The following GPC5 variants were observed in gnomAD, a reference collection of about 807,000 sequenced individuals.
GPC5 encodes glypican 5.
A neutral mutation model predicts 53.9 loss-of-function variants in GPC5; 47 were observed. The ratio of observed to expected loss-of-function variants is 0.87; its 90% confidence interval spans 0.69 to 1.11. The LOEUF is 1.11. Ranked by LOEUF, GPC5 falls within the 50% of genes most tolerant of loss-of-function variation. GPC5 has a pLI of 0.00. For synonymous variants in GPC5, 286 were observed against 263.3 expected, an observed-to-expected ratio of 1.09 and a Z score of -0.84; for missense variants, 748 against 713.1, an observed-to-expected ratio of 1.05 and a Z score of -0.56.
intron 7 of GPC5, among the ~76,000 whole-genome samples, chr13:92,523,844 GT>G (rs5805753): frequency 0.57 from 86,051 of 151,752 alleles, 25,123 homozygotes; most frequent in East Asian, 0.75. Flanking sequence ...GCATATAAAA[GT>G]AATGTTTAGA....
At chr13:92,524,045 G>C (rs938687866) in intron 7 of GPC5, among the ~76,000 whole-genome samples, 1 of 152,104 alleles carries the variant, frequency 6.6e-6, no homozygotes, top group South Asian at 2.1e-4. Flanking sequence ...AGTGGTGGTT[G>C]ATGCTAATTG....
rs2035829388 is a variant in GPC5, at chr13:91,694,157, A to G, written c.1020+276A>G. On this transcript the variant is annotated intron_variant, in intron 3 of 7. Transcript: ENST00000377067. Reference sequence around the variant, plus strand: ...ATCTTTAGCCTGCCGGTAATTAGCTAAATGAAATTAGGTAAGTCCCTTTGG... The same window carrying G: ...ATCTTTAGCCTGCCGGTAATTAGCTGAATGAAATTAGGTAAGTCCCTTTGG... Among the ~76,000 whole-genome samples, 3 of 152,180 alleles carry G rather than the reference A, an allele frequency of 2.0e-5. 1 individual carries two copies. Among genetic ancestry groups the G allele is most frequent in the African/African-American group, 7.2e-5 (3 of 41,450 alleles).
At chr13:92,296,059 T>C (rs997708443) in intron 7 of GPC5, among the ~76,000 whole-genome samples, 9 of 152,290 alleles carry the variant, frequency 5.9e-5, no homozygotes, top group Admixed American at 5.9e-4. Flanking sequence ...TTATATGTCC[T>C]GTGAGATTCA....
intron 3 of GPC5, among the ~76,000 whole-genome samples, chr13:91,719,407 T>C (rs2036416911): frequency 6.6e-6 from 1 of 152,232 alleles, no homozygotes; most frequent in South Asian, 2.1e-4. Flanking sequence ...CTGAAGACTT[T>C]TGCATTATCC....
At chr13:92,734,984 T>C (rs1215727704) in intron 7 of GPC5, among the ~76,000 whole-genome samples, 1 of 151,978 alleles carries the variant, frequency 6.6e-6, no homozygotes, top group Admixed American at 6.6e-5. Flanking sequence ...CATATTTGAA[T>C]ATACAAAGGG....
intron 6 of GPC5, among the ~76,000 whole-genome samples, chr13:91,951,562 AC>A (rs2040026176): frequency 6.6e-6 from 1 of 152,184 alleles, no homozygotes; most frequent in South Asian, 2.1e-4. Flanking sequence ...CCTTCTGAAT[AC>A]CTAAATAGAA....
chr13:92,717,278 A>G (rs2139280492), intron 7 of GPC5, among the ~76,000 whole-genome samples: 1 of 152,194 alleles, frequency 6.6e-6, no homozygotes, highest in Admixed American at 6.5e-5. Context: ...AGAGGGAAAA[A>G]GGAGATCCTG....
chr13:92,804,188 A>T (rs934423708), intron 7 of GPC5, among the ~76,000 whole-genome samples: 1 of 151,920 alleles, frequency 6.6e-6, no homozygotes, highest in African/African-American at 2.4e-5. Flanking sequence ...GCTAAGGCAG[A>T]CCTCTTCTAG....
At chr13:92,844,743 T>C (rs529221873) in intron 7 of GPC5, among the ~76,000 whole-genome samples, 2 of 152,252 alleles carry the variant, frequency 1.3e-5, no homozygotes, top group East Asian at 3.9e-4. Flanking sequence ...AACATATAAA[T>C]AAATGGCAGT....
intron 4 of GPC5, among the ~76,000 whole-genome samples, chr13:91,748,234 C>T (rs342710): frequency 0.64 from 97,292 of 152,040 alleles, 31,359 homozygotes; most frequent in South Asian, 0.75. Context: ...ATTAATGTGT[C>T]ACTACATATT....
At chr13:91,764,735 C>T (rs1033721610) in intron 5 of GPC5, among the ~76,000 whole-genome samples, 4 of 152,148 alleles carry the variant, frequency 2.6e-5, no homozygotes, top group Non-Finnish European at 5.9e-5. Context: ...TTGCACTCTC[C>T]TCGTCCTTCA....
chr13:92,250,132 T>C lies in GPC5; in HGVS notation c.1561+105143T>C, dbSNP rs1377260122. Reference sequence around the variant, plus strand: ...GGTACAGCTCCATAAACACTTACTTTATAGCAATTCAATGATACATGCTCA... The same window carrying C: ...GGTACAGCTCCATAAACACTTACTTCATAGCAATTCAATGATACATGCTCA... On this transcript the variant is annotated intron_variant, in intron 7 of 7. Transcript: ENST00000377067. 7.2e-5 allele frequency among the ~76,000 whole-genome samples: 11 copies of C among 152,062 alleles called. 1 individual carries two copies. The highest frequency in any genetic ancestry group is 7.2e-4 in the Admixed American group (11 of 15,236).
chr13:92,318,426 C>A (rs1372229059), intron 7 of GPC5, among the ~76,000 whole-genome samples: 1 of 152,124 alleles, frequency 6.6e-6, no homozygotes, highest in Non-Finnish European at 1.5e-5. Context: ...CCCATATAGA[C>A]TTAAATAACC....
At chr13:92,791,430 G>T (rs1183810796) in intron 7 of GPC5, among the ~76,000 whole-genome samples, 3 of 150,244 alleles carry the variant, frequency 2.0e-5, no homozygotes, top group Non-Finnish European at 4.4e-5. Context: ...TGTGTGGGGG[G>T]GGGCGGGGGA....
chr13:91,466,873 T>A (rs1313713837), intron 2 of GPC5, among the ~76,000 whole-genome samples: 1 of 152,126 alleles, frequency 6.6e-6, no homozygotes, highest in African/African-American at 2.4e-5. Context: ...AGACTGTGGG[T>A]ATACTACTAT....
intron 7 of GPC5, among the ~76,000 whole-genome samples, chr13:92,599,479 G>A (rs929864650): frequency 2.0e-5 from 3 of 152,198 alleles, no homozygotes; most frequent in African/African-American, 7.2e-5. Context: ...GCTGAACACA[G>A]TTCAAGGCAA....
chr13:91,912,492 A>C (rs1346371206), intron 6 of GPC5, among the ~76,000 whole-genome samples: 2 of 152,196 alleles, frequency 1.3e-5, no homozygotes, highest in Non-Finnish European at 2.9e-5. Flanking sequence ...GAAGGCATCT[A>C]GGCTTTTTTC....
At position 91,674,444 on chromosome 13, in the gene GPC5, T is replaced by TAC. The variant is rs796108512; in HGVS notation, c.326-18739_326-18738dup. 8.8e-4 allele frequency among the ~76,000 whole-genome samples: 133 copies of TAC among 150,492 alleles called. 5 individuals are homozygous for TAC. The South Asian group carries it at 0.027, about 30-fold the overall frequency. Reference sequence around the variant, plus strand: ...ACACATATATATACACATATATATATACACATACACACACACACGCACATA... The same window carrying TAC: ...ACACATATATATACACATATATATATACACACATACACACACACACGCACATA... On this transcript the variant is annotated intron_variant, in intron 2 of 7. Coordinates refer to ENST00000377067, the MANE Select transcript of GPC5 (RefSeq NM_004466.6).
chr13:92,771,603 A>G (rs1263556592), intron 7 of GPC5, among the ~76,000 whole-genome samples: 1 of 152,034 alleles, frequency 6.6e-6, no homozygotes, highest in Non-Finnish European at 1.5e-5. Flanking sequence ...TCGGCCTCCC[A>G]AAGTGCTGGG....
Sources: allele counts gnomAD v4.1 joint callset (sites outside exome capture counted in the v4.1 genomes callset), GRCh38; gene constraint gnomAD v4.1.1; transcripts MANE v1.5; gene names NCBI Gene and HGNC (gene_info 2026-07-23, HGNC 2026-07-21).